The following CACNA2D3 variants were observed in gnomAD, a reference collection of about 807,000 sequenced individuals.
The protein encoded by CACNA2D3 is calcium voltage-gated channel auxiliary subunit alpha2delta 3.
CACNA2D3 carries 60 observed loss-of-function variants against 160.6 expected under a neutral mutation model. The observed-to-expected ratio is 0.37, with a 90% CI of 0.30 to 0.46. The LOEUF is 0.46. Ranked by LOEUF, CACNA2D3 falls within the 20% of genes least tolerant of loss-of-function variation. CACNA2D3 has a pLI of 1.00. For missense variants in CACNA2D3, 1,205 were observed against 1,365.0 expected, an observed-to-expected ratio of 0.88 and a Z score of 1.85; for synonymous variants, 558 against 492.9, an observed-to-expected ratio of 1.13 and a Z score of -1.75.
chr3:54,374,334 A>G (rs991521874), intron 3 of CACNA2D3, among the ~76,000 whole-genome samples: 9 of 152,174 alleles, frequency 5.9e-5, no homozygotes, highest in African/African-American at 1.9e-4. Context: ...GCTGGAGAAT[A>G]TTGGTTTCTT....
chr3:54,488,128 A>G (rs1048878072), intron 4 of CACNA2D3, among the ~76,000 whole-genome samples: 6 of 152,170 alleles, frequency 3.9e-5, no homozygotes, highest in African/African-American at 1.2e-4. Flanking sequence ...TGAAGATCCA[A>G]AGACGGCCTG....
intron 2 of CACNA2D3, among the ~76,000 whole-genome samples, chr3:54,259,470 A>G (rs1215425187): frequency 6.6e-6 from 1 of 152,230 alleles, no homozygotes; most frequent in Admixed American, 6.5e-5. Context: ...AAAACTTGAG[A>G]TGTGCTTCCA....
At chr3:54,303,525 A>C (rs1703526372) in intron 2 of CACNA2D3, among the ~76,000 whole-genome samples, 1 of 152,218 alleles carries the variant, frequency 6.6e-6, no homozygotes, top group African/African-American at 2.4e-5. Context: ...ATGTTTGCAC[A>C]TATGCACTGT....
intron 35 of CACNA2D3, among the ~76,000 whole-genome samples, chr3:55,043,549 A>G (rs1034483613): frequency 6.6e-6 from 1 of 152,022 alleles, no homozygotes; most frequent in Non-Finnish European, 1.5e-5. Flanking sequence ...TTTTTTGTAT[A>G]TTCTAGATAC....
At chr3:55,004,461 C>T (rs948261441) in intron 31 of CACNA2D3, among the ~76,000 whole-genome samples, 1 of 151,600 alleles carries the variant, frequency 6.6e-6, no homozygotes, top group Non-Finnish European at 1.5e-5. Context: ...GAATATCTTG[C>T]TCAATGCAGA....
intron 9 of CACNA2D3, among the ~76,000 whole-genome samples, chr3:54,587,385 T>C (rs1288270940): frequency 6.6e-6 from 1 of 151,984 alleles, no homozygotes; most frequent in Non-Finnish European, 1.5e-5. Flanking sequence ...TGTGAAACCC[T>C]GTCTCTACTA....
intron 3 of CACNA2D3, among the ~76,000 whole-genome samples, chr3:54,350,968 G>GGTTTTTTTTTTTT (rs1698542647): frequency 3.6e-5 from 2 of 56,106 alleles, no homozygotes; most frequent in Non-Finnish European, 7.0e-5. Context: ...TCTTGAGTCT[G>GGTTTTTTTTTTTT]TTTTTTTTTT....
intron 25 of CACNA2D3, among the ~76,000 whole-genome samples, chr3:54,894,934 G>A (rs1700154735): frequency 6.6e-6 from 1 of 151,174 alleles, no homozygotes; most frequent in South Asian, 2.1e-4. Context: ...CACTTTCTCA[G>A]TCTTGCACAT....
At chr3:54,193,357 T>A (rs1262577140) in intron 2 of CACNA2D3, among the ~76,000 whole-genome samples, 2 of 152,224 alleles carry the variant, frequency 1.3e-5, no homozygotes, top group Non-Finnish European at 2.9e-5. Context: ...CTCATTTTCT[T>A]GCAAATTGCA....
intron 34 of CACNA2D3, among the ~76,000 whole-genome samples, chr3:55,010,861 C>T (rs958797231): frequency 6.6e-5 from 10 of 152,238 alleles, no homozygotes; most frequent in African/African-American, 2.2e-4. Context: ...ATTATTGCCT[C>T]ACTGTTTGTG....
At chr3:54,524,552 A>G (rs1701695321) in intron 5 of CACNA2D3, among the ~76,000 whole-genome samples, 1 of 151,954 alleles carries the variant, frequency 6.6e-6, no homozygotes, top group Non-Finnish European at 1.5e-5. Context: ...TCTTCTGCCT[A>G]GTTGTTTTAC....
At chr3:54,957,489 G>A (rs994602039) in intron 27 of CACNA2D3, among the ~76,000 whole-genome samples, 6 of 152,084 alleles carry the variant, frequency 3.9e-5, no homozygotes, top group Non-Finnish European at 5.9e-5. Context: ...TAGGTAATTC[G>A]GAGACATATC....
intron 5 of CACNA2D3, among the ~76,000 whole-genome samples, chr3:54,507,803 C>T (rs1453330109): frequency 1.3e-5 from 2 of 152,342 alleles, no homozygotes; most frequent in African/African-American, 4.8e-5. Context: ...GCCCTACTCT[C>T]ACATCTGTAA....
intron 4 of CACNA2D3, among the ~76,000 whole-genome samples, chr3:54,489,303 T>C (rs531599514): frequency 5.9e-5 from 9 of 152,258 alleles, no homozygotes; most frequent in African/African-American, 2.2e-4. Context: ...TGCTGAGGGA[T>C]CAGATGTGGG....
intron 2 of CACNA2D3, among the ~76,000 whole-genome samples, chr3:54,158,296 G>A (rs1034263747): frequency 1.3e-5 from 2 of 152,102 alleles, no homozygotes; most frequent in South Asian, 2.1e-4. Flanking sequence ...ATTTTATTTC[G>A]GATGCCTTCT....
rs1044583450 is a variant in CACNA2D3, at chr3:55,074,440, T to C, written c.*234T>C. The C allele has an allele frequency of 7.5e-6, 4 of 531,386 alleles. No individual in the cohort carries two copies. The highest frequency in any genetic ancestry group is 3.8e-5 in the African/African-American group (2 of 52,170). The allele number at this position is 531,386 out of a possible 1,614,324, so 32.9% of individuals were successfully genotyped here. ...ATGCAAATGTGAGTTTGCCACATGA[T>C]AATCACCCTTCATCAGAAATGGGAC... On this transcript the variant is annotated 3_prime_UTR_variant, in exon 38 of 38. Transcript: ENST00000474759.
chr3:54,194,545 C>T (rs1701039283), intron 2 of CACNA2D3, among the ~76,000 whole-genome samples: 1 of 152,150 alleles, frequency 6.6e-6, no homozygotes, highest in African/African-American at 2.4e-5. Flanking sequence ...GTCTTGATTA[C>T]CATGTGGATG....
chr3:54,674,618 G>A (rs1459637969), intron 11 of CACNA2D3, among the ~76,000 whole-genome samples: 1 of 152,134 alleles, frequency 6.6e-6, no homozygotes, highest in East Asian at 1.9e-4. Context: ...AAGGGTTGGG[G>A]TTCAAGTTGG....
At chr3:54,704,396 T>C (rs183406247) in intron 11 of CACNA2D3, among the ~76,000 whole-genome samples, 11 of 152,314 alleles carry the variant, frequency 7.2e-5, no homozygotes, top group East Asian at 5.8e-4. Context: ...AAACCTTCTA[T>C]TGGGGGGACA....
Sources: allele counts gnomAD v4.1 joint callset (sites outside exome capture counted in the v4.1 genomes callset), GRCh38; gene constraint gnomAD v4.1.1; transcripts MANE v1.5; gene names NCBI Gene and HGNC (gene_info 2026-07-23, HGNC 2026-07-21).